TCF7L2: variants seen among roughly 807,000 people sequenced by gnomAD.
The protein encoded by TCF7L2 is transcription factor 7 like 2.
In TCF7L2, 23 loss-of-function variants were observed where a neutral mutation model predicts 77.9. That is an observed-to-expected ratio of 0.30 (90% CI 0.21 to 0.42). The LOEUF (loss-of-function observed/expected upper bound fraction) is 0.42, where lower values mean the gene tolerates loss of function less well. Among genes scored for constraint, TCF7L2 ranks in the 10% least tolerant of loss-of-function variants. The probability of loss-of-function intolerance (pLI) is 1.00; values close to 1 mark genes in which losing one functional copy is unlikely to be tolerated. For missense variants in TCF7L2, 654 were observed against 793.1 expected (o/e 0.82, Z 2.11); for synonymous variants, 413 against 340.2 (o/e 1.21, Z -2.36).
chr10:112,952,656 G>A (rs552004364), intron 3 of TCF7L2, among the ~76,000 whole-genome samples: 22 of 152,270 alleles, frequency 1.4e-4, no homozygotes, highest in Admixed American at 8.5e-4. Context: ...AGGTGCGGGG[G>A]CCGAGGGAGG....
intron 12 of TCF7L2, 122 bp downstream of exon 13, chr10:113,158,839 C>A: frequency 3.1e-6 from 3 of 967,158 alleles, no homozygotes; most frequent in Non-Finnish European, 3.0e-6. Flanking sequence ...AAATGACCAT[C>A]AACACGGTTT....
intron 5 of TCF7L2, among the ~76,000 whole-genome samples, chr10:113,086,616 T>C (rs1591512747): frequency 6.6e-6 from 1 of 152,110 alleles, no homozygotes; most frequent in East Asian, 1.9e-4. Context: ...AGTCAGGGGG[T>C]TGCCCCCTAA....
At chr10:112,969,820 G>T (rs1589814683) in intron 4 of TCF7L2, among the ~76,000 whole-genome samples, 1 of 152,196 alleles carries the variant, frequency 6.6e-6, no homozygotes, top group East Asian at 1.9e-4. Context: ...TTGCAGATGT[G>T]TGTAAACAGA....
chr10:112,964,437 T>G, intron 3 of TCF7L2, 119 bp from the exon 4 acceptor site: 1 of 821,368 alleles, frequency 1.2e-6, no homozygotes, highest in South Asian at 1.4e-5. Flanking sequence ...AGGTCTTGAT[T>G]GAATGCCAAG....
chr10:112,954,205 G>A (rs1026996793), intron 3 of TCF7L2, among the ~76,000 whole-genome samples: 37 of 152,136 alleles, frequency 2.4e-4, no homozygotes, highest in African/African-American at 8.0e-4. Context: ...TTAATGGCAA[G>A]GTGTAAAGAC....
At chr10:113,102,691 A>C (rs2061805068) in intron 5 of TCF7L2, among the ~76,000 whole-genome samples, 1 of 151,864 alleles carries the variant, frequency 6.6e-6, no homozygotes, top group Non-Finnish European at 1.5e-5. Flanking sequence ...CCCTCTAAGT[A>C]CTGGGATTAC....
intron 5 of TCF7L2, among the ~76,000 whole-genome samples, chr10:113,090,952 G>C (rs1186881195): frequency 6.6e-6 from 1 of 151,892 alleles, no homozygotes; most frequent in Non-Finnish European, 1.5e-5. Flanking sequence ...CTGTCTTCCA[G>C]GCTGGAGTGT....
chr10:113,044,346 T>C lies in TCF7L2; in HGVS notation c.552+4220T>C, dbSNP rs533345351. Among the ~76,000 whole-genome samples, 6 of 152,384 alleles carry C rather than the reference T, an allele frequency of 3.9e-5. No individual in the cohort carries two copies. The South Asian group carries it at 1.2e-3, about 32-fold the overall frequency. On this transcript the variant is annotated intron_variant, in intron 5 of 13. Transcript: ENST00000627217. ...GAGGGCATGCTGAACCTTTGCTTTT[T>C]GTTTCTGAAGAGTTCAGGGGAACCT...
At chr10:113,051,561 A>T (rs1376669787) in intron 5 of TCF7L2, among the ~76,000 whole-genome samples, 4 of 152,230 alleles carry the variant, frequency 2.6e-5, no homozygotes, top group Non-Finnish European at 4.4e-5. Flanking sequence ...AGAGCCTTGC[A>T]AGAGCAGAGC....
chr10:113,129,908 G>A, intron 5 of TCF7L2: 2 of 1,293,704 alleles, frequency 1.5e-6, no homozygotes, highest in African/African-American at 1.5e-5. Context: ...GAAGATTTGA[G>A]TGGTAAGGGA....
chr10:113,001,114 C>G (rs1225692924), intron 4 of TCF7L2, among the ~76,000 whole-genome samples: 1 of 152,194 alleles, frequency 6.6e-6, no homozygotes, highest in Non-Finnish European at 1.5e-5. Context: ...TCGCCCTGCC[C>G]TTGGCTGGGG....
chr10:113,120,700 A>C (rs2064634137), intron 5 of TCF7L2, among the ~76,000 whole-genome samples: 2 of 152,316 alleles, frequency 1.3e-5, no homozygotes, highest in South Asian at 4.2e-4. Context: ...AATTTACAAC[A>C]AACTAACAGC....
At chr10:113,148,371 C>T (rs1409481450) in intron 8 of TCF7L2, among the ~76,000 whole-genome samples, 1 of 152,060 alleles carries the variant, frequency 6.6e-6, no homozygotes, top group African/African-American at 2.4e-5. Context: ...TGCACCGTGG[C>T]TCACAAAAAA....
chr10:112,977,274 G>T (rs2039594705), intron 4 of TCF7L2, among the ~76,000 whole-genome samples: 1 of 152,154 alleles, frequency 6.6e-6, no homozygotes, highest in Non-Finnish European at 1.5e-5. Context: ...CCATTCTAGG[G>T]GTACTGGAAG....
At chr10:113,158,613 A>G in intron 12 of TCF7L2, 54 bp from the exon 13 acceptor site, 1 of 1,600,202 alleles carries the variant, frequency 6.2e-7, no homozygotes, top group Non-Finnish European at 8.5e-7. Context: ...GGCTTTTACA[A>G]ACAAACAAAA....
chr10:113,160,951 G>A (rs1202222150), intron 13 of TCF7L2, among the ~76,000 whole-genome samples: 1 of 152,100 alleles, frequency 6.6e-6, no homozygotes, highest in Admixed American at 6.5e-5. Flanking sequence ...AAACAAGGAG[G>A]GGCACTTATC....
chr10:112,950,313 A>C lies in TCF7L2; in HGVS notation c.-444A>C. The C allele has an allele frequency of 4.3e-6, 1 of 234,078 alleles. No individual in the cohort carries two copies. Among genetic ancestry groups the C allele is most frequent in the Non-Finnish European group, 8.4e-6 (1 of 119,158 alleles). 14.5% of individuals were successfully genotyped at this position (234,078 alleles called of 1,614,324 possible). A position where few individuals can be genotyped will look rare whatever the true frequency, so the allele number is the denominator to read the frequency against. The stretch of plus-strand genomic sequence containing the variant: ...TTCGATCCCCCTTTTTCTATCTGTC[A>C]ATCAGCGCCGCCTTTGAACTGAAAA... On this transcript the variant is annotated 5_prime_UTR_variant, in exon 1 of 14. Coordinates refer to ENST00000627217, the MANE Select transcript of TCF7L2 (RefSeq NM_001146274.2).
At chr10:112,952,730 C>T (rs897609693) in intron 3 of TCF7L2, among the ~76,000 whole-genome samples, 3 of 151,928 alleles carry the variant, frequency 2.0e-5, no homozygotes, top group Non-Finnish European at 2.9e-5. Flanking sequence ...TTGGGGGCCC[C>T]AGGGCAGCGC....
chr10:113,156,404 G>A (rs564699985), intron 11 of TCF7L2, among the ~76,000 whole-genome samples: 4 of 152,282 alleles, frequency 2.6e-5, no homozygotes, highest in South Asian at 2.1e-4. Context: ...GTGAGCCACC[G>A]CACCTGGACC....
Sources: gnomAD v4.1 joint callset for allele counts (sites outside exome capture counted in the v4.1 genomes callset) on GRCh38, gnomAD v4.1.1 for gene constraint, MANE v1.5 for transcripts, NCBI Gene and HGNC (gene_info 2026-07-23, HGNC 2026-07-21) for gene names.